Variants in LARGE1 observed in about 807,000 individuals in gnomAD.
The protein encoded by LARGE1 is LARGE xylosyl- and glucuronyltransferase 1, also known as xylosyl- and glucuronyltransferase LARGE1.
In LARGE1, 43 loss-of-function variants were observed where a neutral mutation model predicts 87.6. The ratio of observed to expected loss-of-function variants is 0.49; its 90% CI spans 0.38 to 0.63. The LOEUF is 0.63. Ranked by LOEUF, LARGE1 falls within the 30% of genes least tolerant of loss-of-function variation. The pLI is 0.00. For synonymous variants in LARGE1, 434 were observed against 394.6 expected (o/e 1.10, Z -1.18); for missense variants, 802 against 1,000.2 (o/e 0.80, Z 2.67).
intron 6 of LARGE1, among the ~76,000 whole-genome samples, chr22:33,450,872 GGGT>G (rs1162840956): frequency 7.9e-5 from 12 of 152,074 alleles, no homozygotes; most frequent in African/African-American, 2.9e-4. Context: ...AGCTAGAATG[GGGT>G]GTCTGGACGG....
chr22:33,282,033 A>G (rs887691039), intron 13 of LARGE1, among the ~76,000 whole-genome samples: 1 of 152,234 alleles, frequency 6.6e-6, no homozygotes, highest in Non-Finnish European at 1.5e-5. Context: ...CATCATTCAC[A>G]AGGGTGGCCT....
chr22:33,156,113 C>A, the LARGE1 span, among the ~76,000 whole-genome samples: 1 of 152,264 alleles, frequency 6.6e-6, no homozygotes, highest in Non-Finnish European at 1.5e-5. Flanking sequence ...GGGGTGGGGT[C>A]CTCATGGAGA....
At chr22:33,238,086 G>GTAATATTA (rs1398080804) in intron 11 of LARGE1, among the ~76,000 whole-genome samples, 1 of 152,166 alleles carries the variant, frequency 6.6e-6, no homozygotes, top group Non-Finnish European at 1.5e-5. Context: ...TAAGCTGCTG[G>GTAATATTA]TTACAATAAT....
chr22:33,392,476 C>T lies in LARGE1; in HGVS notation c.893-8172G>A, dbSNP rs536295429. On this transcript the variant is annotated intron_variant, in intron 7 of 14. Transcript: ENST00000397394. ...GAGTTCGAGACCAGCCTGGTCAATA[C>T]GGCAAAACCCTGTCTCTACTAAAAA... Among the ~76,000 whole-genome samples the T allele has an allele frequency of 7.9e-5, 12 of 152,072 alleles. 1 individual carries two copies. The highest frequency in any genetic ancestry group is 1.3e-4 in the Non-Finnish European group (9 of 67,960).
chr22:33,113,751 G>A, the LARGE1 span, among the ~76,000 whole-genome samples: 1 of 152,256 alleles, frequency 6.6e-6, no homozygotes, highest in South Asian at 2.1e-4. Flanking sequence ...AGACTGAAGT[G>A]TGCTTAGACA....
chr22:33,452,923 C>G (rs1462199123), intron 6 of LARGE1, among the ~76,000 whole-genome samples: 1 of 152,148 alleles, frequency 6.6e-6, no homozygotes, highest in East Asian at 1.9e-4. Flanking sequence ...CTATGGCTTG[C>G]CAAAGGCCTG....
intron 7 of LARGE1, among the ~76,000 whole-genome samples, chr22:33,423,663 C>T (rs561875220): frequency 9.3e-5 from 12 of 129,350 alleles, no homozygotes; most frequent in African/African-American, 3.4e-4. Context: ...CTGGGCTCTG[C>T]TGTGAGATTC....
intron 11 of LARGE1, among the ~76,000 whole-genome samples, chr22:33,252,222 A>T (rs1927039109): frequency 6.6e-6 from 1 of 151,600 alleles, no homozygotes. Context: ...AATATTTATA[A>T]GCCATCTTTT....
chr22:33,390,828 G>C (rs113853238), intron 7 of LARGE1, among the ~76,000 whole-genome samples: 7 of 151,920 alleles, frequency 4.6e-5, no homozygotes, highest in Non-Finnish European at 1.0e-4. Flanking sequence ...TGAGTAAGTA[G>C]GACCACAGGT....
At chr22:33,844,439 C>T (rs76131502) in intron 1 of LARGE1, among the ~76,000 whole-genome samples, 1,534 of 152,206 alleles carry the variant, frequency 0.01, 37 homozygotes, top group African/African-American at 0.034. Context: ...GCTCTCCTTT[C>T]GGTGCTTTGA....
chr22:33,653,921 G>A (rs1352034872), intron 2 of LARGE1, among the ~76,000 whole-genome samples: 1 of 152,116 alleles, frequency 6.6e-6, no homozygotes, highest in Admixed American at 6.5e-5. Flanking sequence ...GAACATGGAG[G>A]AGCAAGCAAG....
chr22:33,920,591 A>G (rs553030892), upstream of LARGE1, among the ~76,000 whole-genome samples: 144,603 of 144,616 alleles, frequency 1, 72,295 homozygotes, highest in Middle Eastern at 1. Context: ...AAGCGCCGGA[A>G]AAGGCCTCGC....
At chr22:33,775,686 T>C (rs28475155) in intron 1 of LARGE1, among the ~76,000 whole-genome samples, 5 of 152,058 alleles carry the variant, frequency 3.3e-5, no homozygotes, top group Non-Finnish European at 7.4e-5. Context: ...ACCCCATCTC[T>C]ACTAAAAAAT....
At chr22:33,372,729 G>A (rs2147022705) in intron 9 of LARGE1, among the ~76,000 whole-genome samples, 1 of 152,218 alleles carries the variant, frequency 6.6e-6, no homozygotes, top group Non-Finnish European at 1.5e-5. Context: ...ATATCACAAA[G>A]TATACCAAAA....
the LARGE1 span, among the ~76,000 whole-genome samples, chr22:33,131,277 C>G: frequency 1.3e-5 from 2 of 152,156 alleles, no homozygotes; most frequent in Admixed American, 6.5e-5. Flanking sequence ...GTCCCCATCC[C>G]TCTCTGTCCC....
chr22:33,356,058 A>G lies in LARGE1; in HGVS notation c.1132-18257T>C, dbSNP rs184399191. Among the ~76,000 whole-genome samples, 1,435 of 152,340 alleles carry G rather than the reference A, an allele frequency of 9.4e-3. 8 individuals carry two copies. Among genetic ancestry groups the G allele is most frequent in the South Asian group, 0.017 (82 of 4,822 alleles). On this transcript the variant is annotated intron_variant, in intron 9 of 14. Transcript: ENST00000397394. ...CCTCCTCCCCAGTTCCCCATTTTAAATAAGTCCAATTAACAGCTCTTAGAA... is the reference window on the plus strand; with the variant it reads ...CCTCCTCCCCAGTTCCCCATTTTAAGTAAGTCCAATTAACAGCTCTTAGAA...
intron 5 of LARGE1, among the ~76,000 whole-genome samples, chr22:33,601,202 A>G (rs527299192): frequency 9.2e-5 from 14 of 152,322 alleles, no homozygotes; most frequent in African/African-American, 3.4e-4. Flanking sequence ...TACTGAGAGA[A>G]AAGATATGGG....
intron 6 of LARGE1, among the ~76,000 whole-genome samples, chr22:33,491,538 AG>A (rs2069841590): frequency 6.6e-6 from 1 of 152,240 alleles, no homozygotes; most frequent in South Asian, 2.1e-4. Flanking sequence ...AAAATTCTGA[AG>A]ATGAAAGAAT....
chr22:33,598,468 C>T (rs942402522), intron 5 of LARGE1, among the ~76,000 whole-genome samples: 3 of 152,158 alleles, frequency 2.0e-5, no homozygotes, highest in African/African-American at 7.2e-5. Context: ...TGGTTTACTG[C>T]ACCCATCAAC....
Sources: gnomAD v4.1 joint callset for allele counts (sites outside exome capture counted in the v4.1 genomes callset) on GRCh38, gnomAD v4.1.1 for gene constraint, MANE v1.5 for transcripts, NCBI Gene and HGNC (gene_info 2026-07-23, HGNC 2026-07-21) for gene names.